Variants in AFG2A observed in about 807,000 individuals in gnomAD.
AFG2A encodes the protein ATPase family gene 2 protein homolog A.
chr4:123,069,091 A>G, the AFG2A span, among the ~76,000 whole-genome samples: 1 of 152,200 alleles, frequency 6.6e-6, no homozygotes, highest in Non-Finnish European at 1.5e-5. Flanking sequence ...TGCCAAGTAT[A>G]CAGAAATGAT....
the AFG2A span, among the ~76,000 whole-genome samples, chr4:123,133,533 CTTTA>C: frequency 1.3e-5 from 2 of 150,920 alleles, no homozygotes; most frequent in Non-Finnish European, 2.9e-5. Context: ...AAACTCCTAG[CTTTA>C]TTTATATATA....
chr4:123,148,769 A>AT, the AFG2A span, among the ~76,000 whole-genome samples: 29,028 of 136,816 alleles, frequency 0.21, 3,253 homozygotes, highest in East Asian at 0.45. Context: ...CACACACTCT[A>AT]TTTTTTTTTT....
the AFG2A span, among the ~76,000 whole-genome samples, chr4:123,034,286 TA>T: frequency 0.012 from 1,844 of 152,234 alleles, 43 homozygotes; most frequent in African/African-American, 0.041. Flanking sequence ...TTCCCGTAGA[TA>T]ACTGATAAAT....
At chr4:123,158,950 G>A in the AFG2A span, among the ~76,000 whole-genome samples, 5 of 152,106 alleles carry the variant, frequency 3.3e-5, no homozygotes, top group South Asian at 2.1e-4. Flanking sequence ...TATTAATAGC[G>A]AAAACCACAG....
the AFG2A span, among the ~76,000 whole-genome samples, chr4:122,946,166 C>T: frequency 1.3e-5 from 2 of 152,126 alleles, no homozygotes; most frequent in Non-Finnish European, 2.9e-5. Context: ...TTAAGCAGAC[C>T]AAATGTTTGT....
the AFG2A span, among the ~76,000 whole-genome samples, chr4:123,104,540 A>G: frequency 1.3e-5 from 2 of 152,334 alleles, no homozygotes; most frequent in Admixed American, 6.5e-5. Context: ...TGAGAATGGC[A>G]TGTCAAAAGC....
chr4:123,027,446 G>A, the AFG2A span, among the ~76,000 whole-genome samples: 2 of 151,796 alleles, frequency 1.3e-5, no homozygotes, highest in Non-Finnish European at 2.9e-5. Flanking sequence ...TCTATCCTTC[G>A]AGAGTTGGCT....
the AFG2A span, among the ~76,000 whole-genome samples, chr4:122,941,477 T>C: frequency 2.0e-4 from 31 of 152,280 alleles, no homozygotes; most frequent in Non-Finnish European, 4.1e-4. Context: ...TTTTGTACAT[T>C]GATTTTGTAT....
chr4:123,273,926 C>T, the AFG2A span, among the ~76,000 whole-genome samples: 1 of 152,084 alleles, frequency 6.6e-6, no homozygotes, highest in African/African-American at 2.4e-5. Flanking sequence ...GACAGGTAAT[C>T]TCTTAGTCTT....
At chr4:122,982,084 T>A in the AFG2A span, among the ~76,000 whole-genome samples, 5 of 151,944 alleles carry the variant, frequency 3.3e-5, no homozygotes, top group Non-Finnish European at 7.4e-5. Flanking sequence ...GCTCTTCATC[T>A]TAGAGGAAAA....
the AFG2A span, among the ~76,000 whole-genome samples, chr4:123,163,091 A>C: frequency 6.6e-6 from 1 of 152,224 alleles, no homozygotes; most frequent in South Asian, 2.1e-4. Flanking sequence ...CTAGCTGTAC[A>C]TCCATAGTAA....
chr4:123,311,625 C>CAAAAAAA, the AFG2A span, among the ~76,000 whole-genome samples: 28 of 92,212 alleles, frequency 3.0e-4, no homozygotes, highest in South Asian at 3.9e-4. Flanking sequence ...GACTCTGTCT[C>CAAAAAAA]AAAAAAAAAA....
At chr4:123,012,249 G>A in the AFG2A span, among the ~76,000 whole-genome samples, 1 of 146,858 alleles carries the variant, frequency 6.8e-6, no homozygotes, top group Non-Finnish European at 1.5e-5. Context: ...TTGCCCCCCA[G>A]GAAAGTGGAA....
the AFG2A span, among the ~76,000 whole-genome samples, chr4:122,953,528 C>T: frequency 6.6e-6 from 1 of 152,256 alleles, no homozygotes; most frequent in Non-Finnish European, 1.5e-5. Context: ...CACCATTACT[C>T]TTATCAGGGT....
the AFG2A span, among the ~76,000 whole-genome samples, chr4:123,006,155 A>T: frequency 6.6e-6 from 1 of 151,042 alleles, no homozygotes; most frequent in Non-Finnish European, 1.5e-5. Context: ...TTAGAAAGCT[A>T]TTTTAACTGA....
At chr4:123,294,834 A>T in the AFG2A span, among the ~76,000 whole-genome samples, 1 of 152,248 alleles carries the variant, frequency 6.6e-6, no homozygotes, top group Non-Finnish European at 1.5e-5. Flanking sequence ...ACCAGGGGCC[A>T]AGGATAATAC....
the AFG2A span, among the ~76,000 whole-genome samples, chr4:123,304,395 A>ACT: frequency 6.6e-6 from 1 of 151,782 alleles, no homozygotes; most frequent in Non-Finnish European, 1.5e-5. Context: ...GCAGGACATC[A>ACT]CTCTCTACTG....
At chr4:122,945,832 T>C in the AFG2A span, among the ~76,000 whole-genome samples, 1 of 152,192 alleles carries the variant, frequency 6.6e-6, no homozygotes, top group Non-Finnish European at 1.5e-5. Flanking sequence ...TGGCAGAAAG[T>C]AAATATGTGA....
At chr4:123,169,350 C>T in the AFG2A span, among the ~76,000 whole-genome samples, 1 of 152,130 alleles carries the variant, frequency 6.6e-6, no homozygotes, top group Non-Finnish European at 1.5e-5. Flanking sequence ...ATATTTAATA[C>T]CAACCTACGG....
Sources: gnomAD v4.1 joint callset for allele counts (sites outside exome capture counted in the v4.1 genomes callset) on GRCh38, gnomAD v4.1.1 for gene constraint, MANE v1.5 for transcripts, NCBI Gene and HGNC (gene_info 2026-07-23, HGNC 2026-07-21) for gene names.